Variants in SH3KBP1 observed in about 807,000 individuals in gnomAD.
SH3KBP1 encodes the protein SH3 domain-containing kinase-binding protein 1.
SH3KBP1 carries 8 observed loss-of-function variants against 50.1 expected under a neutral mutation model. The observed-to-expected ratio is 0.16, with a 90% CI of 0.09 to 0.29. The LOEUF (loss-of-function observed/expected upper bound fraction) is 0.29, where lower values mean the gene tolerates loss of function less well. Among genes scored for constraint, SH3KBP1 ranks in the 10% least tolerant of loss-of-function variants. The pLI is 1.00. For missense variants in SH3KBP1, 377 were observed against 535.2 expected (o/e 0.70, Z 2.92); for synonymous variants, 227 against 218.6 (o/e 1.04, Z -0.34).
At chrX:19,722,525 T>C (rs1029821825) in intron 3 of SH3KBP1, among the ~76,000 whole-genome samples, 1 of 100,022 alleles carries the variant, frequency 1.0e-5, no homozygotes, top group Non-Finnish European at 2.0e-5. Context: ...CCTACTCAGC[T>C]GCACTGGTGT....
intron 2 of SH3KBP1, among the ~76,000 whole-genome samples, chrX:19,758,921 A>C (rs1419554929): frequency 8.9e-6 from 1 of 111,763 alleles, no homozygotes; most frequent in Non-Finnish European, 1.9e-5. Flanking sequence ...CATTCTTTTA[A>C]CGGTGTGCCA....
At chrX:19,568,977 A>T in intron 13 of SH3KBP1, 126 bp downstream of exon 13, 1 of 577,730 alleles carries the variant, frequency 1.7e-6, no homozygotes, top group Non-Finnish European at 2.9e-6. Flanking sequence ...CCTAAAGCCA[A>T]GCAAGGGTGC....
chrX:19,811,941 C>T (rs976549890), intron 2 of SH3KBP1, among the ~76,000 whole-genome samples: 20 of 111,800 alleles, frequency 1.8e-4, no homozygotes, highest in Middle Eastern at 4.6e-3. Flanking sequence ...GGGCCTCCCC[C>T]ACACCTCCTG....
chrX:19,730,728 C>T (rs772798560), intron 3 of SH3KBP1, among the ~76,000 whole-genome samples: 11 of 111,395 alleles, frequency 9.9e-5, no homozygotes, highest in Non-Finnish European at 2.1e-4. Flanking sequence ...ACAGGCAAAA[C>T]TGATGCATAA....
intron 5 of SH3KBP1, among the ~76,000 whole-genome samples, chrX:19,687,416 G>A (rs1300758014): frequency 8.9e-6 from 1 of 112,555 alleles, no homozygotes; most frequent in Non-Finnish European, 1.9e-5. Flanking sequence ...AAAAGCGCCA[G>A]GGGCTGGTGC....
At chrX:19,799,915 A>G (rs1356631321) in intron 2 of SH3KBP1, 9 of 441,998 alleles carry the variant, frequency 2.0e-5, no homozygotes, top group African/African-American at 5.4e-5. Context: ...AAGTAATCCA[A>G]TCTCTGGCAC....
At chrX:19,863,150 G>A (rs1166056466) in intron 1 of SH3KBP1, among the ~76,000 whole-genome samples, 2 of 112,072 alleles carry the variant, frequency 1.8e-5, no homozygotes, top group African/African-American at 6.5e-5. Flanking sequence ...AAGGGGCCCG[G>A]CCAGAGGGCT....
rs1406564657 is a variant in SH3KBP1, at chrX:19,534,285, TCTC to T, written c.*2129_*2131del. 2 of 109,333 alleles carry T rather than the reference TCTC, an allele frequency of 1.8e-5. No homozygotes were observed. Among genetic ancestry groups the T allele is most frequent in the African/African-American group, 6.7e-5 (2 of 29,977 alleles). 9.0% of individuals were successfully genotyped at this position (109,333 alleles called of 1,213,427 possible). On this transcript the variant is annotated 3_prime_UTR_variant, in exon 18 of 18. Coordinates refer to ENST00000397821, the MANE Select transcript of SH3KBP1 (RefSeq NM_031892.3). ...CGCAATGAAGCTAGACATACCAACT[TCTC>T]CTTCCAGAATCACTTCTCCCTCTCC...
At chrX:19,542,782 G>A (rs1305913530) in intron 15 of SH3KBP1, among the ~76,000 whole-genome samples, 2 of 112,043 alleles carry the variant, frequency 1.8e-5, no homozygotes. Flanking sequence ...GCCAGGCAAA[G>A]GTCTAGAGAC....
intron 1 of SH3KBP1, among the ~76,000 whole-genome samples, chrX:19,853,310 T>C (rs1316042539): frequency 9.0e-6 from 1 of 111,706 alleles, no homozygotes; most frequent in East Asian, 2.8e-4. Flanking sequence ...GAAAGGATTT[T>C]GAGGTGAGCT....
intron 2 of SH3KBP1, among the ~76,000 whole-genome samples, chrX:19,802,480 A>G (rs1400266224): frequency 9.0e-6 from 1 of 111,276 alleles, no homozygotes; most frequent in Non-Finnish European, 1.9e-5. Context: ...GGTGCGGCAT[A>G]CCCCTGCTTA....
chrX:19,759,250 G>C (rs551688027), intron 2 of SH3KBP1, among the ~76,000 whole-genome samples: 19 of 111,551 alleles, frequency 1.7e-4, no homozygotes, highest in African/African-American at 6.2e-4. Context: ...GGCTGGGTGA[G>C]GAATGACCCC....
intron 2 of SH3KBP1, among the ~76,000 whole-genome samples, chrX:19,763,176 G>C (rs2065484752): frequency 9.0e-6 from 1 of 111,575 alleles, no homozygotes; most frequent in African/African-American, 3.3e-5. Context: ...GCAACTGAGG[G>C]ACAAATTCCC....
intron 2 of SH3KBP1, among the ~76,000 whole-genome samples, chrX:19,829,481 G>C (rs1439936619): frequency 9.1e-6 from 1 of 109,291 alleles, no homozygotes; most frequent in African/African-American, 3.3e-5. Context: ...GGGCGCAGTG[G>C]CTCATGCCTG....
chrX:19,836,135 T>C lies in SH3KBP1; in HGVS notation c.152A>G (p.Asn51Ser), dbSNP rs2068051404. Residue 51 changes from asparagine to serine, a missense_variant, in exon 2 of 18, where the codon AAC becomes AGC. Physicochemically the swap from Asn to Ser is conservative, Grantham distance 46. Coordinates refer to ENST00000397821, the MANE Select transcript of SH3KBP1 (RefSeq NM_031892.3). ...TTGCTTTGTACTCACTCTTACAAAG[T>C]TGTCAGGGAACAAACCTCTCCTGCC... Reference protein sequence around the residue: ...INGRRGLFPDNFVREIKKEMK... With the variant: ...INGRRGLFPDSFVREIKKEMK... The C allele has an allele frequency of 8.3e-7, 1 of 1,210,820 alleles. No homozygotes were observed. Among genetic ancestry groups the C allele is most frequent in the Non-Finnish European group, 1.1e-6 (1 of 895,143 alleles).
intron 1 of SH3KBP1, among the ~76,000 whole-genome samples, chrX:19,874,066 A>T (rs374889169): frequency 0.081 from 6,092 of 75,669 alleles, 242 homozygotes; most frequent in African/African-American, 0.11. Flanking sequence ...AAAAAAAAAA[A>T]AAATATATAT....
chrX:19,752,897 G>A (rs1000719561), intron 2 of SH3KBP1, among the ~76,000 whole-genome samples: 2 of 111,842 alleles, frequency 1.8e-5, no homozygotes, highest in Non-Finnish European at 3.8e-5. Flanking sequence ...CAGGTGGTCG[G>A]AATGTGCCAG....
intron 13 of SH3KBP1, among the ~76,000 whole-genome samples, chrX:19,565,492 A>G (rs2065818632): frequency 8.9e-6 from 1 of 111,799 alleles, no homozygotes; most frequent in Non-Finnish European, 1.9e-5. Flanking sequence ...TGAGAAAAAA[A>G]TAGACAAAAC....
At chrX:19,769,859 C>G (rs2065734912) in intron 2 of SH3KBP1, among the ~76,000 whole-genome samples, 1 of 111,248 alleles carries the variant, frequency 9.0e-6, no homozygotes, top group Non-Finnish European at 1.9e-5. Flanking sequence ...TCATGCTAAA[C>G]TCTGACTGTA....
Sources: gnomAD v4.1 joint callset for allele counts (sites outside exome capture counted in the v4.1 genomes callset) on GRCh38, gnomAD v4.1.1 for gene constraint, MANE v1.5 for transcripts, NCBI Gene and HGNC (gene_info 2026-07-23, HGNC 2026-07-21) for gene names.